The following TANK variants were observed in gnomAD, a reference collection of about 807,000 sequenced individuals.
The protein encoded by TANK is TRAF family member-associated NF-kappa-B activator.
A neutral mutation model predicts 43.6 loss-of-function variants in TANK; 15 were observed. The ratio of observed to expected loss-of-function variants is 0.34; its 90% CI spans 0.23 to 0.53. The LOEUF (loss-of-function observed/expected upper bound fraction) is 0.53, where lower values mean the gene tolerates loss of function less well. Ranked by LOEUF, TANK falls within the 20% of genes least tolerant of loss-of-function variation. The pLI is 0.94. For synonymous variants in TANK, 162 were observed against 178.2 expected (o/e 0.91, Z 0.73); for missense variants, 417 against 498.6 (o/e 0.84, Z 1.56).
chr2:161,219,640 C>A (rs950198560), intron 4 of TANK: 8 of 372,380 alleles, frequency 2.1e-5, no homozygotes, highest in Admixed American at 1.7e-4. Flanking sequence ...TATCAAATAT[C>A]TTTTTGTAAT....
chr2:161,229,888 A>C lies in TANK; in HGVS notation c.521-1083A>C, dbSNP rs1415624919. Among the ~76,000 whole-genome samples, 7 of 152,308 alleles carry C rather than the reference A, an allele frequency of 4.6e-5. No individual in the cohort carries two copies. The East Asian group carries it at 1.3e-3, about 29-fold the overall frequency. ...TCTTTAAGGGACATTGTGGAGCTTA[A>C]TTTGGCTTTTTCTAGTGTCTCAGAA... On this transcript the variant is annotated intron_variant, in intron 6 of 7. Transcript: ENST00000392749.
chr2:161,137,187 T>G (rs934458558), intron 1 of TANK: 2 of 985,306 alleles, frequency 2.0e-6, no homozygotes, highest in African/African-American at 3.5e-5. Flanking sequence ...TATGACATGA[T>G]TCAATAATGC....
intron 1 of TANK, among the ~76,000 whole-genome samples, chr2:161,165,314 A>G (rs1001506074): frequency 2.0e-5 from 3 of 152,168 alleles, no homozygotes; most frequent in African/African-American, 4.8e-5. Context: ...AAGGGACAGA[A>G]GTTAGAGACT....
chr2:161,222,193 C>T (rs1559005401), intron 4 of TANK, among the ~76,000 whole-genome samples: 1 of 152,036 alleles, frequency 6.6e-6, no homozygotes, highest in African/African-American at 2.4e-5. Flanking sequence ...ACTATCTTTA[C>T]CACTTTCTGT....
intron 4 of TANK, among the ~76,000 whole-genome samples, chr2:161,218,207 G>A (rs1687203184): frequency 6.6e-6 from 1 of 152,110 alleles, no homozygotes; most frequent in African/African-American, 2.4e-5. Context: ...CCCACCCTGG[G>A]CAATATTTAA....
At chr2:161,190,911 A>C (rs564348929) in intron 2 of TANK, among the ~76,000 whole-genome samples, 2 of 152,218 alleles carry the variant, frequency 1.3e-5, no homozygotes, top group East Asian at 3.9e-4. Flanking sequence ...TGAATTTTTT[A>C]TTTGATATAT....
At chr2:161,228,752 G>C (rs894627946) in intron 6 of TANK, among the ~76,000 whole-genome samples, 2 of 152,068 alleles carry the variant, frequency 1.3e-5, no homozygotes, top group African/African-American at 4.8e-5. Context: ...TTCCATTCAC[G>C]GTAAGTGCTC....
chr2:161,219,649 AT>A (rs917875772), intron 4 of TANK: 2,841 of 341,472 alleles, frequency 8.3e-3, no homozygotes, highest in South Asian at 0.014. Context: ...TCTTTTTGTA[AT>A]TTTTTTTTTG....
At chr2:161,222,107 G>A (rs186384645) in intron 4 of TANK, among the ~76,000 whole-genome samples, 2 of 152,112 alleles carry the variant, frequency 1.3e-5, no homozygotes, top group Admixed American at 1.3e-4. Flanking sequence ...ATCCCCATTA[G>A]TTTTTTAATA....
At chr2:161,165,860 T>C (rs1684654613) in intron 1 of TANK, among the ~76,000 whole-genome samples, 1 of 152,240 alleles carries the variant, frequency 6.6e-6, no homozygotes, top group Admixed American at 6.5e-5. Context: ...AGCAGTGCCA[T>C]GTTTACGTTC....
chr2:161,144,098 T>C (rs771407864), intron 1 of TANK, among the ~76,000 whole-genome samples: 1 of 152,226 alleles, frequency 6.6e-6, no homozygotes, highest in Admixed American at 6.5e-5. Flanking sequence ...CTTATTTGCA[T>C]AGAGGTGTTT....
At chr2:161,234,400 T>G (rs541568773) in intron 7 of TANK, among the ~76,000 whole-genome samples, 1 of 152,334 alleles carries the variant, frequency 6.6e-6, no homozygotes, top group African/African-American at 2.4e-5. Context: ...AATTTACCTG[T>G]GTCCACATAA....
intron 1 of TANK, among the ~76,000 whole-genome samples, chr2:161,174,646 T>C (rs1165936582): frequency 6.6e-6 from 1 of 152,220 alleles, no homozygotes; most frequent in Non-Finnish European, 1.5e-5. Context: ...TTATCCAAAC[T>C]CTTTGTCTTA....
At chr2:161,145,547 C>A (rs1337866019) in intron 1 of TANK, among the ~76,000 whole-genome samples, 2 of 151,824 alleles carry the variant, frequency 1.3e-5, no homozygotes, top group Non-Finnish European at 2.9e-5. Context: ...TGAAATCCCT[C>A]AGCATTTGGT....
chr2:161,178,388 A>G (rs1253057568), intron 1 of TANK, among the ~76,000 whole-genome samples: 1 of 152,118 alleles, frequency 6.6e-6, no homozygotes, highest in Non-Finnish European at 1.5e-5. Flanking sequence ...TCTTTCTGAA[A>G]GAAGCCAGAC....
chr2:161,142,094 T>C (rs1683765616), intron 1 of TANK, among the ~76,000 whole-genome samples: 1 of 152,226 alleles, frequency 6.6e-6, no homozygotes, highest in South Asian at 2.1e-4. Context: ...GTTGAGCTTT[T>C]TTCCATATGT....
At chr2:161,222,699 ATGTT>A (rs1044529796) in intron 4 of TANK, 1 of 152,102 alleles carries the variant, frequency 6.6e-6, no homozygotes, top group Non-Finnish European at 1.5e-5. Flanking sequence ...TATGACCTGA[ATGTT>A]TGTCAAACAC....
At chr2:161,202,849 CTTTA>C in intron 2 of TANK, 1 of 466,438 alleles carries the variant, frequency 2.1e-6, no homozygotes, top group Non-Finnish European at 4.4e-6. Context: ...TTTTTCATTG[CTTTA>C]TTCTCACAGT....
At chr2:161,207,126 A>G (rs1686688011) in intron 4 of TANK, among the ~76,000 whole-genome samples, 1 of 152,102 alleles carries the variant, frequency 6.6e-6, no homozygotes. Context: ...TAAAAATTAT[A>G]TTTGTTTAAA....
Sources: gnomAD v4.1 joint callset for allele counts (sites outside exome capture counted in the v4.1 genomes callset) on GRCh38, gnomAD v4.1.1 for gene constraint, MANE v1.5 for transcripts, NCBI Gene and HGNC (gene_info 2026-07-23, HGNC 2026-07-21) for gene names.